Variants in SRPK2 observed in about 807,000 individuals in gnomAD.
The protein encoded by SRPK2 is SFRS protein kinase 2.
A neutral mutation model predicts 90.8 loss-of-function variants in SRPK2; 21 were observed. The observed-to-expected ratio is 0.23, with a 90% confidence interval of 0.16 to 0.33. SRPK2 has a LOEUF of 0.33. Among genes scored for constraint, SRPK2 ranks in the 10% least tolerant of loss-of-function variants. The pLI, the probability that SRPK2 is intolerant of heterozygous loss-of-function variation, is 1.00. For synonymous variants in SRPK2, 288 were observed against 311.1 expected, an observed-to-expected ratio of 0.93 and a Z score of 0.78; for missense variants, 620 against 869.0, an observed-to-expected ratio of 0.71 and a Z score of 3.60.
chr7:105,370,583 C>T (rs1053655924), intron 2 of SRPK2, among the ~76,000 whole-genome samples: 1 of 150,656 alleles, frequency 6.6e-6, no homozygotes, highest in Non-Finnish European at 1.5e-5. Context: ...CTGGAACTGA[C>T]AAGCCAATTT....
intron 2 of SRPK2, among the ~76,000 whole-genome samples, chr7:105,212,339 G>T (rs1288331774): frequency 6.6e-6 from 1 of 152,192 alleles, no homozygotes; most frequent in Non-Finnish European, 1.5e-5. Context: ...GAAAGTGCAT[G>T]TAAACACACA....
chr7:105,238,193 T>C (rs1800361457), intron 2 of SRPK2, among the ~76,000 whole-genome samples: 1 of 152,196 alleles, frequency 6.6e-6, no homozygotes, highest in Non-Finnish European at 1.5e-5. Context: ...AGATGGCCCC[T>C]GAAAGGTGAT....
intron 2 of SRPK2, among the ~76,000 whole-genome samples, chr7:105,214,275 G>C (rs529362103): frequency 1.3e-5 from 2 of 152,284 alleles, no homozygotes; most frequent in South Asian, 4.1e-4. Flanking sequence ...TTTTTAATAA[G>C]TAGTAAGGTT....
At chr7:105,202,327 A>T (rs889581922) in intron 3 of SRPK2, among the ~76,000 whole-genome samples, 10 of 152,320 alleles carry the variant, frequency 6.6e-5, no homozygotes, top group African/African-American at 2.4e-4. Context: ...AAATTCATTA[A>T]TGCTTTATGT....
intron 2 of SRPK2, among the ~76,000 whole-genome samples, chr7:105,226,247 A>AT (rs916948021): frequency 0.018 from 2,729 of 149,538 alleles, 81 homozygotes; most frequent in African/African-American, 0.061. Context: ...ATTTTGCTTG[A>AT]TTTTTTTTTT....
intron 2 of SRPK2, among the ~76,000 whole-genome samples, chr7:105,349,110 A>T (rs1435319264): frequency 2.1e-5 from 3 of 139,850 alleles, no homozygotes; most frequent in Non-Finnish European, 4.5e-5. Flanking sequence ...GCATCACTGC[A>T]CTCCAGCCTG....
chr7:105,177,177 CATG>C, intron 3 of SRPK2, among the ~76,000 whole-genome samples: 1 of 152,010 alleles, frequency 6.6e-6, no homozygotes, highest in Non-Finnish European at 1.5e-5. Flanking sequence ...AAAATAAAAA[CATG>C]ATATGCAGAG....
At chr7:105,180,443 G>A (rs1365173661) in intron 3 of SRPK2, among the ~76,000 whole-genome samples, 1 of 152,118 alleles carries the variant, frequency 6.6e-6, no homozygotes, top group African/African-American at 2.4e-5. Flanking sequence ...AGAGTTAAAT[G>A]TACAACCTAA....
At chr7:105,182,970 A>C (rs887976055) in intron 3 of SRPK2, among the ~76,000 whole-genome samples, 2 of 152,214 alleles carry the variant, frequency 1.3e-5, no homozygotes, top group African/African-American at 4.8e-5. Context: ...TAAAATGTGT[A>C]GTACTCAAGG....
rs542847616 is a variant in SRPK2 at position 105,291,896 on chromosome 7, A to G, written c.72-88111T>C. On this transcript the variant is annotated intron_variant, in intron 2 of 15. Transcript: ENST00000393651. ...GGGATTGACTATTTTATTATTCTTT[A>G]TGCTTATAATTTCCTGTATTAAATA... Among the ~76,000 whole-genome samples, 188 of 152,330 alleles carry G rather than the reference A, an allele frequency of 1.2e-3. 1 individual carries two copies. The highest frequency in any genetic ancestry group is 2.1e-3 in the Non-Finnish European group (146 of 68,026).
chr7:105,327,046 G>A (rs1014766538), intron 2 of SRPK2, among the ~76,000 whole-genome samples: 6 of 138,262 alleles, frequency 4.3e-5, no homozygotes, highest in Non-Finnish European at 9.1e-5. Context: ...CAACCTGGGC[G>A]ACAAGAGCAA....
intron 2 of SRPK2, among the ~76,000 whole-genome samples, chr7:105,378,366 T>C (rs1820552051): frequency 6.6e-6 from 1 of 152,034 alleles, no homozygotes; most frequent in African/African-American, 2.4e-5. Flanking sequence ...TTTTTATAAA[T>C]CAGTAAGAAA....
chr7:105,379,084 G>A (rs1820634496), intron 2 of SRPK2, among the ~76,000 whole-genome samples: 1 of 151,786 alleles, frequency 6.6e-6, no homozygotes, highest in South Asian at 2.1e-4. Context: ...TTGAGGCCAG[G>A]AATTTGAGGT....
chr7:105,181,408 AC>A (rs774658198), intron 3 of SRPK2, among the ~76,000 whole-genome samples: 4 of 152,228 alleles, frequency 2.6e-5, no homozygotes, highest in Non-Finnish European at 4.4e-5. Flanking sequence ...GTAAAGACAC[AC>A]GCACGCACGT....
chr7:105,311,668 C>G (rs924998539), intron 2 of SRPK2, among the ~76,000 whole-genome samples: 3 of 152,212 alleles, frequency 2.0e-5, no homozygotes, highest in Non-Finnish European at 4.4e-5. Context: ...ATCAGGACAT[C>G]TACAAACAGA....
intron 2 of SRPK2, among the ~76,000 whole-genome samples, chr7:105,344,707 A>C (rs928667715): frequency 6.6e-6 from 1 of 151,996 alleles, no homozygotes; most frequent in Non-Finnish European, 1.5e-5. Flanking sequence ...ATTTGACTAT[A>C]CAACCCTTCC....
chr7:105,187,562 G>A (rs1452565290), intron 3 of SRPK2, among the ~76,000 whole-genome samples: 1 of 152,120 alleles, frequency 6.6e-6, no homozygotes, highest in African/African-American at 2.4e-5. Flanking sequence ...TCCTGAAACT[G>A]AAATTTAGCT....
intron 2 of SRPK2, among the ~76,000 whole-genome samples, chr7:105,251,612 C>T (rs1802490447): frequency 6.6e-6 from 1 of 152,166 alleles, no homozygotes; most frequent in African/African-American, 2.4e-5. Flanking sequence ...ATAATAACAC[C>T]TACCATCATT....
chr7:105,122,674 T>G (rs989303966), intron 15 of SRPK2, among the ~76,000 whole-genome samples: 2 of 152,194 alleles, frequency 1.3e-5, no homozygotes. Context: ...GTTTTAGCCC[T>G]CAGTTCTCAC....
Sources: gnomAD v4.1 joint callset for allele counts (sites outside exome capture counted in the v4.1 genomes callset) on GRCh38, gnomAD v4.1.1 for gene constraint, MANE v1.5 for transcripts, NCBI Gene and HGNC (gene_info 2026-07-23, HGNC 2026-07-21) for gene names.